EXOC6B: variants seen among roughly 807,000 people sequenced by gnomAD.
EXOC6B encodes exocyst complex component 6B, also known as SEC15 homolog B.
A neutral mutation model predicts 113.5 loss-of-function variants in EXOC6B; 54 were observed. The ratio of observed to expected loss-of-function variants is 0.48; its 90% CI spans 0.38 to 0.60. The LOEUF is 0.60. Ranked by LOEUF, EXOC6B falls within the 20% of genes least tolerant of loss-of-function variation. The probability of loss-of-function intolerance (pLI) is 0.00; values close to 1 mark genes in which losing one functional copy is unlikely to be tolerated. For synonymous variants in EXOC6B, 357 were observed against 339.0 expected (o/e 1.05, Z -0.58); for missense variants, 797 against 977.5 (o/e 0.82, Z 2.46).
At chr2:72,504,018 C>G (rs1262692922) in intron 11 of EXOC6B, among the ~76,000 whole-genome samples, 1 of 152,102 alleles carries the variant, frequency 6.6e-6, no homozygotes, top group Non-Finnish European at 1.5e-5. Flanking sequence ...AGAGATCCTC[C>G]CACTTCACGC....
At chr2:72,250,780 A>C (rs983022920) in intron 20 of EXOC6B, among the ~76,000 whole-genome samples, 1 of 151,984 alleles carries the variant, frequency 6.6e-6, no homozygotes, top group Non-Finnish European at 1.5e-5. Context: ...CTCAATTTCA[A>C]TTTGTTTCCT....
intron 8 of EXOC6B, among the ~76,000 whole-genome samples, chr2:72,518,542 G>A (rs563452501): frequency 4.0e-5 from 6 of 151,440 alleles, no homozygotes; most frequent in African/African-American, 1.5e-4. Context: ...AAGTGTCAAC[G>A]AAAGCTTCTT....
intron 1 of EXOC6B, among the ~76,000 whole-genome samples, chr2:72,811,547 C>T (rs368665169): frequency 3.9e-5 from 6 of 152,096 alleles, no homozygotes; most frequent in South Asian, 4.1e-4. Flanking sequence ...AGGAGTGAGG[C>T]GCTACTTCTC....
chr2:72,212,781 T>C (rs770671627), intron 20 of EXOC6B, among the ~76,000 whole-genome samples: 3 of 152,202 alleles, frequency 2.0e-5, no homozygotes, highest in Non-Finnish European at 4.4e-5. Flanking sequence ...TTGTAGTACA[T>C]GATGCTTAGG....
chr2:72,286,047 CA>C, intron 20 of EXOC6B, among the ~76,000 whole-genome samples: 1 of 152,230 alleles, frequency 6.6e-6, no homozygotes, highest in East Asian at 1.9e-4. Context: ...GGTGAAAATG[CA>C]AAATGGTATA....
intron 1 of EXOC6B, among the ~76,000 whole-genome samples, chr2:72,742,934 C>G (rs531808092): frequency 6.6e-6 from 1 of 152,004 alleles, no homozygotes; most frequent in Non-Finnish European, 1.5e-5. Flanking sequence ...CAGTATTTAA[C>G]GTAGAAAAAA....
rs183645766 is a variant in EXOC6B at position 72,527,916 on chromosome 2, A to G, written c.916-12790T>C. 2.7e-3 allele frequency among the ~76,000 whole-genome samples: 416 copies of G among 151,980 alleles called. 1 individual carries two copies. The highest frequency in any genetic ancestry group is 3.7e-3 in the Non-Finnish European group (252 of 67,856). On this transcript the variant is annotated intron_variant, in intron 8 of 21. Transcript: ENST00000272427. ...TATTTGTTTTACTGATGAGTTCTTC[A>G]AAGTATTTATATATTCTAGATACAT...
At position 72,718,086 on chromosome 2, in the gene EXOC6B, A is replaced by G; in HGVS notation, c.669+17T>C. 2.5e-6 allele frequency: 4 copies of G among 1,587,042 alleles called. No individual in the cohort carries two copies. The highest frequency in any genetic ancestry group is 3.4e-6 in the Non-Finnish European group (4 of 1,165,866). ...TGATAAAGCCACTGGCCAACCTATC[A>G]TAAACCCAAGACCTACTTGCTTCAT... On this transcript the variant is annotated intron_variant, in intron 6 of 21. Transcript: ENST00000272427.
chr2:72,553,064 C>G (rs1451942430), intron 8 of EXOC6B, among the ~76,000 whole-genome samples: 1 of 151,874 alleles, frequency 6.6e-6, no homozygotes, highest in Non-Finnish European at 1.5e-5. Context: ...TCACTATCTA[C>G]AGACAATATG....
At chr2:72,249,501 A>G (rs995017348) in intron 20 of EXOC6B, among the ~76,000 whole-genome samples, 1 of 146,804 alleles carries the variant, frequency 6.8e-6, no homozygotes, top group African/African-American at 2.5e-5. Flanking sequence ...AAAAGAAAAG[A>G]AAAAAAAAAA....
intron 6 of EXOC6B, among the ~76,000 whole-genome samples, chr2:72,661,107 A>G (rs912712818): frequency 1.3e-5 from 2 of 149,232 alleles, no homozygotes; most frequent in Non-Finnish European, 1.5e-5. Context: ...CTCTGGAGCT[A>G]TAGGGCCAAG....
chr2:72,567,980 G>T (rs889418398), intron 7 of EXOC6B, among the ~76,000 whole-genome samples: 1 of 152,014 alleles, frequency 6.6e-6, no homozygotes, highest in Admixed American at 6.6e-5. Context: ...AAACCAGTGG[G>T]TAACAAGCTG....
intron 20 of EXOC6B, among the ~76,000 whole-genome samples, chr2:72,260,897 T>C (rs1683673271): frequency 1.3e-5 from 2 of 152,172 alleles, no homozygotes; most frequent in African/African-American, 2.4e-5. Flanking sequence ...GTTACTAAAT[T>C]TACCCAGTTT....
At chr2:72,508,376 G>A (rs183327831) in intron 11 of EXOC6B, among the ~76,000 whole-genome samples, 83 of 152,198 alleles carry the variant, frequency 5.5e-4, no homozygotes, top group African/African-American at 1.8e-3. Flanking sequence ...ACTAGAGGTG[G>A]AAGGGTTGTA....
intron 16 of EXOC6B, among the ~76,000 whole-genome samples, chr2:72,487,594 C>T (rs1558721304): frequency 6.6e-6 from 1 of 152,116 alleles, no homozygotes; most frequent in East Asian, 1.9e-4. Context: ...CTCCTGAGCT[C>T]GTGATTCACC....
At chr2:72,497,991 A>T (rs898162114) in intron 13 of EXOC6B, among the ~76,000 whole-genome samples, 1 of 152,186 alleles carries the variant, frequency 6.6e-6, no homozygotes, top group African/African-American at 2.4e-5. Flanking sequence ...CTGTGTGTGG[A>T]GAGGGAAGAT....
chr2:72,768,119 GT>G (rs1200464797), intron 1 of EXOC6B, among the ~76,000 whole-genome samples: 1 of 122,494 alleles, frequency 8.2e-6, no homozygotes, highest in Non-Finnish European at 1.7e-5. Flanking sequence ...GTGAGACTCC[GT>G]TAAAAAAAAA....
intron 10 of EXOC6B, 29 bp downstream of exon 10, chr2:72,514,605 A>AATAT (rs58454184): frequency 6.6e-4 from 100 of 151,618 alleles, no homozygotes; most frequent in South Asian, 1.8e-3. Context: ...TAAATAAATA[A>AATAT]ATATATATAT....
chr2:72,477,605 A>C (rs1319074203), intron 17 of EXOC6B, among the ~76,000 whole-genome samples: 1 of 152,198 alleles, frequency 6.6e-6, no homozygotes, highest in African/African-American at 2.4e-5. Flanking sequence ...ATTACCCCCC[A>C]CAACTCAATC....
Sources: gnomAD v4.1 joint callset for allele counts (sites outside exome capture counted in the v4.1 genomes callset) on GRCh38, gnomAD v4.1.1 for gene constraint, MANE v1.5 for transcripts, NCBI Gene and HGNC (gene_info 2026-07-23, HGNC 2026-07-21) for gene names.